The following SMCO2 variants were observed in gnomAD, a reference collection of about 807,000 sequenced individuals.
SMCO2 encodes the protein single-pass membrane and coiled-coil domain-containing protein 2.
A neutral mutation model predicts 29.5 loss-of-function variants in SMCO2; 25 were observed. The ratio of observed to expected loss-of-function variants is 0.85; its 90% confidence interval spans 0.62 to 1.18. The LOEUF (loss-of-function observed/expected upper bound fraction) is 1.18. Among genes scored for constraint, SMCO2 ranks in the 50% most tolerant of loss-of-function variants. The probability of loss-of-function intolerance (pLI) is 0.00; values close to 1 mark genes in which losing one functional copy is unlikely to be tolerated. For missense variants in SMCO2, 348 were observed against 344.5 expected (o/e 1.01, Z -0.08); for synonymous variants, 117 against 123.3 (o/e 0.95, Z 0.34).
At chr12:27,426,819 A>C in the SMCO2 span, among the ~76,000 whole-genome samples, 1,031 of 152,322 alleles carry the variant, frequency 6.8e-3, 11 homozygotes, top group East Asian at 0.048. Flanking sequence ...CAACTGAGGT[A>C]GGGTGTTTGG....
the SMCO2 span, among the ~76,000 whole-genome samples, chr12:27,436,171 C>G: frequency 6.6e-6 from 1 of 152,160 alleles, no homozygotes; most frequent in Non-Finnish European, 1.5e-5. Flanking sequence ...AATCACCTCC[C>G]AAATGTCCCA....
At chr12:27,495,936 G>C (rs1388147726) in intron 7 of SMCO2, 81 bp downstream of exon 8, 4 of 1,250,960 alleles carry the variant, frequency 3.2e-6, no homozygotes, top group Non-Finnish European at 4.1e-6. Flanking sequence ...TTTTTTTCAA[G>C]TGTTGACTAA....
At chr12:27,448,997 A>G in the SMCO2 span, among the ~76,000 whole-genome samples, 5 of 152,222 alleles carry the variant, frequency 3.3e-5, no homozygotes, top group Admixed American at 1.3e-4. Context: ...CTGTCCATCC[A>G]CTGCAGACTC....
chr12:27,428,818 C>CTTG, the SMCO2 span, among the ~76,000 whole-genome samples: 1 of 130,046 alleles, frequency 7.7e-6, no homozygotes, highest in Non-Finnish European at 1.6e-5. Flanking sequence ...AATAAATGTA[C>CTTG]TTTTTTTTTT....
At chr12:27,449,417 T>A in the SMCO2 span, among the ~76,000 whole-genome samples, 1 of 152,210 alleles carries the variant, frequency 6.6e-6, no homozygotes, top group Non-Finnish European at 1.5e-5. Context: ...TTCTCAATTA[T>A]ACAGAATTCT....
chr12:27,460,539 T>A, the SMCO2 span, among the ~76,000 whole-genome samples: 1 of 151,958 alleles, frequency 6.6e-6, no homozygotes, highest in South Asian at 2.1e-4. Context: ...AGGTGAGTCA[T>A]AAAGGTCTTC....
intron 4 of SMCO2, among the ~76,000 whole-genome samples, chr12:27,478,764 A>G (rs375687): frequency 0.21 from 32,300 of 151,950 alleles, 6,327 homozygotes; most frequent in African/African-American, 0.51. Context: ...GCCCACAGAA[A>G]GCAAGTGTTG....
At chr12:27,485,274 G>T (rs115792743) in intron 4 of SMCO2, among the ~76,000 whole-genome samples, 175 of 151,858 alleles carry the variant, frequency 1.2e-3, no homozygotes, top group African/African-American at 4.1e-3. Flanking sequence ...ACTGTAGTTT[G>T]TGTCTATAGA....
At chr12:27,432,265 A>T in the SMCO2 span, among the ~76,000 whole-genome samples, 3 of 152,112 alleles carry the variant, frequency 2.0e-5, no homozygotes, top group Non-Finnish European at 4.4e-5. Context: ...TTTAAGTTTG[A>T]TGCAGTCCTA....
chr12:27,436,031 C>T, the SMCO2 span, among the ~76,000 whole-genome samples: 1 of 152,338 alleles, frequency 6.6e-6, no homozygotes, highest in African/African-American at 2.4e-5. Context: ...ATGAAGGTTC[C>T]ACTTCCTGGT....
rs1949675844 is a variant in SMCO2, at chr12:27,484,874, ATAT to A, written c.363-3585_363-3583del. Among the ~76,000 whole-genome samples, 12 of 79,960 alleles carry A rather than the reference ATAT, an allele frequency of 1.5e-4. No homozygotes were observed. In the South Asian group the frequency reaches 2.2e-3, roughly 15 times the overall value. The allele number at this position is 79,960 out of a possible 152,430, so 52.5% of individuals were successfully genotyped here. On this transcript the variant is annotated intron_variant, in intron 4 of 7. Coordinates refer to ENST00000298876, the Ensembl canonical transcript of SMCO2. ...CTCAAAAAAAAAAAAAAAAAAAAAT[ATAT>A]ATATATATATATATATAGTTTTTAA...
exon 3 of SMCO2, chr12:27,472,787 A>G: frequency 1.3e-6 from 2 of 1,550,600 alleles, no homozygotes; most frequent in Non-Finnish European, 1.7e-6. Context: ...TTGCTAAAGG[A>G]AATTATCAAA....
the SMCO2 span, among the ~76,000 whole-genome samples, chr12:27,445,436 A>T: frequency 6.6e-6 from 1 of 152,228 alleles, no homozygotes; most frequent in Admixed American, 6.5e-5. Flanking sequence ...CTTGAAATTC[A>T]AATTTAACTG....
intron 4 of SMCO2, among the ~76,000 whole-genome samples, chr12:27,480,708 C>CCT (rs373140136): frequency 6.6e-6 from 1 of 150,980 alleles, no homozygotes; most frequent in Non-Finnish European, 1.5e-5. Flanking sequence ...CTCTCCCCCC[C>CCT]CTCTCTCTCT....
At chr12:27,451,232 C>T in the SMCO2 span, among the ~76,000 whole-genome samples, 1 of 152,154 alleles carries the variant, frequency 6.6e-6, no homozygotes, top group Non-Finnish European at 1.5e-5. Context: ...CTGTTGCTCC[C>T]AGGGGAAGTA....
At chr12:27,449,967 C>G in the SMCO2 span, among the ~76,000 whole-genome samples, 1 of 152,176 alleles carries the variant, frequency 6.6e-6, no homozygotes, top group Admixed American at 6.5e-5. Flanking sequence ...TCCCTTCATT[C>G]GTTCTCACCT....
intron 7 of SMCO2, among the ~76,000 whole-genome samples, chr12:27,496,502 G>T (rs968967987): frequency 6.6e-6 from 1 of 150,520 alleles, no homozygotes; most frequent in Non-Finnish European, 1.5e-5. Flanking sequence ...TAAGAAATTT[G>T]AAAAGTTTTG....
chr12:27,479,601 G>A (rs975370573), intron 4 of SMCO2, among the ~76,000 whole-genome samples: 1 of 152,120 alleles, frequency 6.6e-6, no homozygotes, highest in African/African-American at 2.4e-5. Flanking sequence ...ATCTTGAATT[G>A]TAGCTCCCAT....
Position 27,495,778 on chromosome 12 carries a change from G to T in SMCO2, c.606G>T (p.Thr202=), listed in dbSNP as rs185962940. 1.1e-3 allele frequency: 1,666 copies of T among 1,540,084 alleles called. 27 individuals carry two copies. Among genetic ancestry groups the T allele is most frequent in the Non-Finnish European group, 1.4e-3 (1,541 of 1,140,646 alleles). Reference sequence around the variant, plus strand: ...CTCACAGTTCTGAGGAAATAGATACGGAAGAGATGGAGGCCCTGCTTCCTC... The same window carrying T: ...CTCACAGTTCTGAGGAAATAGATACTGAAGAGATGGAGGCCCTGCTTCCTC... Residue 202 remains threonine, a synonymous_variant, in exon 7 of 8, where the codon ACG becomes ACT. Coordinates refer to ENST00000298876, the Ensembl canonical transcript of SMCO2.
Sources: allele counts gnomAD v4.1 joint callset (sites outside exome capture counted in the v4.1 genomes callset), GRCh38; gene constraint gnomAD v4.1.1; transcripts MANE v1.5; gene names NCBI Gene and HGNC (gene_info 2026-07-23, HGNC 2026-07-21).